The following TMEM116 variants were observed in gnomAD, a reference collection of about 807,000 sequenced individuals.
TMEM116 encodes the protein transmembrane protein 116.
TMEM116 carries 38 observed loss-of-function variants against 44.3 expected under a neutral mutation model. The observed-to-expected ratio is 0.86, with a 90% CI of 0.66 to 1.12. The LOEUF is 1.12. TMEM116 is among the 50% of genes most tolerant of loss of function. The pLI is 0.00. For missense variants in TMEM116, 354 were observed against 401.7 expected (o/e 0.88, Z 1.01); for synonymous variants, 132 against 144.8 (o/e 0.91, Z 0.64).
chr12:111,979,274 T>C (rs896784959), intron 4 of TMEM116, among the ~76,000 whole-genome samples: 3 of 151,202 alleles, frequency 2.0e-5, no homozygotes, highest in African/African-American at 7.3e-5. Flanking sequence ...ATACATATTA[T>C]ATATATATAT....
chr12:111,932,517 G>A, intron 10 of TMEM116, 69 bp downstream of exon 10: 1 of 1,313,048 alleles, frequency 7.6e-7, no homozygotes, highest in Non-Finnish European at 1.1e-6. Flanking sequence ...TCCTTACCGA[G>A]TAAAGGTAGT....
intron 3 of TMEM116, chr12:112,000,873 C>A (rs1198212521): frequency 2.2e-6 from 1 of 445,584 alleles, no homozygotes; most frequent in Non-Finnish European, 4.6e-6. Context: ...TCCACCAATT[C>A]TCTGGTCTAT....
chr12:111,945,865 C>T (rs1593319999), intron 4 of TMEM116, among the ~76,000 whole-genome samples: 1 of 152,300 alleles, frequency 6.6e-6, no homozygotes, highest in South Asian at 2.1e-4. Context: ...TGTACCCATA[C>T]ACCCATTCTG....
chr12:111,978,032 C>G (rs1423817024), intron 4 of TMEM116, among the ~76,000 whole-genome samples: 1 of 150,840 alleles, frequency 6.6e-6, no homozygotes, highest in Non-Finnish European at 1.5e-5. Flanking sequence ...ATTAATCCAA[C>G]TATATCAATA....
Position 111,941,693 on chromosome 12 carries a change from T to C in TMEM116, c.315+1572A>G, listed in dbSNP as rs144797834. Among the ~76,000 whole-genome samples the C allele has an allele frequency of 2.2e-3, 341 of 152,308 alleles. 1 individual carries two copies. Among genetic ancestry groups the C allele is most frequent in the African/African-American group, 7.5e-3 (311 of 41,554 alleles). On this transcript the variant is annotated intron_variant, in intron 5 of 10. Transcript: ENST00000552374. Reference sequence around the variant, plus strand: ...AGGATACTGCTTAAGGGCCTCTTCATGTTACTTTTTCAGTTATTTCCTCAG... The same window carrying C: ...AGGATACTGCTTAAGGGCCTCTTCACGTTACTTTTTCAGTTATTTCCTCAG...
At position 111,932,566 on chromosome 12, in the gene TMEM116, C is replaced by G. The variant is rs752839679; in HGVS notation, c.807+20G>C. On this transcript the variant is annotated intron_variant, in intron 10 of 10. Transcript: ENST00000552374. ...ATAAGCGGGTGTAAGAACAGAGATA[C>G]TGAATGTTGAAGGTGTTACCTGGAG... 1.2e-6 allele frequency: 2 copies of G among 1,604,250 alleles called. No individual in the cohort carries two copies. Among genetic ancestry groups the G allele is most frequent in the Non-Finnish European group, 1.7e-6 (2 of 1,171,190 alleles).
intron 4 of TMEM116, among the ~76,000 whole-genome samples, chr12:111,966,166 T>G (rs1316316776): frequency 6.6e-6 from 1 of 151,796 alleles, no homozygotes; most frequent in Non-Finnish European, 1.5e-5. Flanking sequence ...ATTAGCCAGG[T>G]GTGATGGTGT....
At chr12:111,980,993 G>A (rs948308963) in intron 4 of TMEM116, among the ~76,000 whole-genome samples, 1 of 151,702 alleles carries the variant, frequency 6.6e-6, no homozygotes, top group Non-Finnish European at 1.5e-5. Flanking sequence ...AGGATCACTT[G>A]AGCCCAGCAG....
intron 1 of TMEM116, among the ~76,000 whole-genome samples, chr12:112,008,715 T>C (rs1254872436): frequency 6.6e-6 from 1 of 152,154 alleles, no homozygotes; most frequent in African/African-American, 2.4e-5. Flanking sequence ...AGTACGCCTG[T>C]AATCCCAGCA....
chr12:111,947,730 A>T (rs2073398346), intron 4 of TMEM116, among the ~76,000 whole-genome samples: 2 of 152,182 alleles, frequency 1.3e-5, no homozygotes, highest in Non-Finnish European at 2.9e-5. Context: ...GATTCATGAA[A>T]AAGACTCTAA....
At chr12:111,966,566 A>C (rs2136426499) in intron 4 of TMEM116, among the ~76,000 whole-genome samples, 1 of 152,362 alleles carries the variant, frequency 6.6e-6, no homozygotes, top group South Asian at 2.1e-4. Context: ...AGTTTTTAAA[A>C]GAGAATTGCC....
At position 111,988,860 on chromosome 12, in the gene TMEM116, C is replaced by T. The variant is rs111629795; in HGVS notation, c.210+2898G>A. On this transcript the variant is annotated intron_variant, in intron 4 of 10. Transcript: ENST00000552374. Reference sequence around the variant, plus strand: ...ACAAAAAATAAGCCAGGTGTGGTGGCGGGCGCCTGTAATCCCAGCTACTCG... The same window carrying T: ...ACAAAAAATAAGCCAGGTGTGGTGGTGGGCGCCTGTAATCCCAGCTACTCG... Among the ~76,000 whole-genome samples the T allele has an allele frequency of 2.9e-4, 44 of 151,644 alleles. No homozygotes were observed. In the South Asian group the frequency reaches 4.8e-3, roughly 17 times the overall value.
At chr12:112,003,212 C>T (rs2077369037) in intron 3 of TMEM116, among the ~76,000 whole-genome samples, 1 of 152,216 alleles carries the variant, frequency 6.6e-6, no homozygotes, top group Admixed American at 6.5e-5. Flanking sequence ...ATATTGGATT[C>T]AGACAACATT....
intron 4 of TMEM116, among the ~76,000 whole-genome samples, chr12:111,973,233 T>C (rs1335819503): frequency 6.6e-6 from 1 of 152,206 alleles, no homozygotes; most frequent in African/African-American, 2.4e-5. Context: ...AACAGCATGA[T>C]CCACAGAAAA....
intron 3 of TMEM116, chr12:111,993,657 GAT>G (rs1593599245): frequency 1.7e-6 from 1 of 589,984 alleles, no homozygotes; most frequent in East Asian, 3.7e-5. Context: ...GGATGAGACA[GAT>G]AGCATATGCC....
At chr12:111,987,978 T>C (rs998057529) in intron 4 of TMEM116, among the ~76,000 whole-genome samples, 1 of 152,188 alleles carries the variant, frequency 6.6e-6, no homozygotes, top group Non-Finnish European at 1.5e-5. Flanking sequence ...TACAATACAA[T>C]GGAATATTAC....
chr12:111,977,537 C>T (rs1565929086), intron 4 of TMEM116, among the ~76,000 whole-genome samples: 1 of 151,892 alleles, frequency 6.6e-6, no homozygotes, highest in Admixed American at 6.6e-5. Flanking sequence ...ACCAAGTAGA[C>T]CTATTTTCCT....
intron 5 of TMEM116, among the ~76,000 whole-genome samples, chr12:111,940,565 G>GTATATATATATATATA (rs1182152145): frequency 7.8e-6 from 1 of 127,924 alleles, no homozygotes; most frequent in African/African-American, 3.0e-5. Context: ...ATATATATGT[G>GTATATATATATATATA]TGTATATATA....
At chr12:111,940,188 G>A (rs959281445) in intron 5 of TMEM116, among the ~76,000 whole-genome samples, 1 of 151,632 alleles carries the variant, frequency 6.6e-6, no homozygotes, top group African/African-American at 2.4e-5. Flanking sequence ...CAGGAGGATC[G>A]CTTGAACCTG....
Sources: allele counts gnomAD v4.1 joint callset (sites outside exome capture counted in the v4.1 genomes callset), GRCh38; gene constraint gnomAD v4.1.1; transcripts MANE v1.5; gene names NCBI Gene and HGNC (gene_info 2026-07-23, HGNC 2026-07-21).